Variants in SLC25A25 observed in about 807,000 individuals in gnomAD.
The protein encoded by SLC25A25 is mitochondrial adenyl nucleotide antiporter SLC25A25.
In SLC25A25, 32 loss-of-function variants were observed where a neutral mutation model predicts 57.7. That is an observed-to-expected ratio of 0.55 (90% CI 0.42 to 0.74). The LOEUF (loss-of-function observed/expected upper bound fraction) is 0.74. Ranked by LOEUF, SLC25A25 falls within the 30% of genes least tolerant of loss-of-function variation. The probability of loss-of-function intolerance (pLI) is 0.00; values close to 1 mark genes in which losing one functional copy is unlikely to be tolerated. For synonymous variants in SLC25A25, 306 were observed against 291.2 expected (o/e 1.05, Z -0.52); for missense variants, 556 against 701.3 (o/e 0.79, Z 2.34).
At position 128,108,462 on chromosome 9, in the gene SLC25A25, G is replaced by C. The variant is rs1834140362; in HGVS notation, c.*1018G>C. The C allele has an allele frequency of 2.5e-6, 1 of 393,196 alleles. No homozygotes were observed. The highest frequency in any genetic ancestry group is 1.4e-4 in the South Asian group (1 of 6,966). 24.4% of individuals were successfully genotyped at this position (393,196 alleles called of 1,614,324 possible). A position where few individuals can be genotyped will look rare whatever the true frequency, so the allele number is the denominator to read the frequency against. On this transcript the variant is annotated 3_prime_UTR_variant, in exon 11 of 11. Transcript: ENST00000373069. ...GGGGGTTCCTGTCCAACCCCAGCAGGGGCGCAGCGGGACCAGCCCCACATT... is the reference window on the plus strand; with the variant it reads ...GGGGGTTCCTGTCCAACCCCAGCAGCGGCGCAGCGGGACCAGCCCCACATT...
intron 1 of SLC25A25, among the ~76,000 whole-genome samples, chr9:128,080,481 C>T (rs1480676937): frequency 7.1e-6 from 1 of 141,828 alleles, no homozygotes. Flanking sequence ...CCTTGTTGGG[C>T]TTTTTTTTTT....
chr9:128,087,601 T>A, intron 1 of SLC25A25, among the ~76,000 whole-genome samples: 1 of 152,228 alleles, frequency 6.6e-6, no homozygotes, highest in Non-Finnish European at 1.5e-5. Context: ...GATCTGTAGC[T>A]TTTAATAAAT....
At chr9:128,070,950 CAAAAAA>C (rs531221205) in intron 1 of SLC25A25, among the ~76,000 whole-genome samples, 12 of 57,434 alleles carry the variant, frequency 2.1e-4, no homozygotes, top group South Asian at 8.1e-4. Flanking sequence ...AACTCCATCT[CAAAAAA>C]AAAAAAAAAA....
At chr9:128,105,535 C>G (rs1833988447) in intron 6 of SLC25A25, among the ~76,000 whole-genome samples, 194 bp from the exon 7 acceptor site, 1 of 152,156 alleles carries the variant, frequency 6.6e-6, no homozygotes, top group African/African-American at 2.4e-5. Flanking sequence ...CAGCAGATAC[C>G]CAGTACGATG....
Position 128,099,157 on chromosome 9 carries a change from G to T in SLC25A25, c.262-1939G>T. On this transcript the variant is annotated intron_variant, in intron 1 of 10. Coordinates refer to ENST00000373069, the MANE Select transcript of SLC25A25 (RefSeq NM_001330988.2). The surrounding 1 kb of genome is among the most constrained non-coding windows in gnomAD (Gnocchi z 6.8). Reference sequence around the variant, plus strand: ...GAGCCTCCCGCCTTCTCGACTCTCAGACATCGCTGTGGAACAGGGCCTGTG... The same window carrying T: ...GAGCCTCCCGCCTTCTCGACTCTCATACATCGCTGTGGAACAGGGCCTGTG... 1 of 1,234,330 alleles carries T rather than the reference G, an allele frequency of 8.1e-7. No individual in the cohort carries two copies. The highest frequency in any genetic ancestry group is 1.0e-6 in the Non-Finnish European group (1 of 963,502). The allele number at this position is 1,234,330 out of a possible 1,614,324, so 76.5% of individuals were successfully genotyped here. A position where few individuals can be genotyped will look rare whatever the true frequency, so the allele number is the denominator to read the frequency against.
chr9:128,070,300 G>A (rs1832877129), intron 1 of SLC25A25, among the ~76,000 whole-genome samples: 1 of 151,032 alleles, frequency 6.6e-6, no homozygotes, highest in African/African-American at 2.4e-5. Flanking sequence ...GGGTTTCACC[G>A]TGTTAGCCAG....
chr9:128,083,260 T>C (rs1467714770), intron 1 of SLC25A25, among the ~76,000 whole-genome samples: 1 of 150,444 alleles, frequency 6.6e-6, no homozygotes, highest in Non-Finnish European at 1.5e-5. Context: ...AAAGTGTTTT[T>C]TTTTGTTTGT....
chr9:128,103,836 G>GCACC lies in SLC25A25; in HGVS notation c.782_783insCCCA (p.Gln261HisfsTer52). 1 of 1,591,032 alleles carries GCACC rather than the reference G, an allele frequency of 6.3e-7. No homozygotes were observed. The highest frequency in any genetic ancestry group is 1.1e-5 in the South Asian group (1 of 87,758). The stretch of plus-strand genomic sequence containing the variant: ...CCCTGGACAGGCTCAAGGTGCTCAT[G>GCACC]CAGGTATGTAGGGAAAAGGCCCCAG... On this transcript the variant is annotated frameshift_variant, in exon 6 of 11. Transcript: ENST00000373069. LOFTEE classifies it high-confidence loss of function. This position sits in a 1 kb window ranked among gnomAD's most constrained non-coding sequence, Gnocchi z 6.7.
At chr9:128,104,831 AATTATTATTATT>A (rs57220788) in intron 6 of SLC25A25, among the ~76,000 whole-genome samples, 22,781 of 144,482 alleles carry the variant, frequency 0.16, 1,972 homozygotes, top group South Asian at 0.27. Context: ...GATTTTTAAA[AATTATTATTATT>A]ATTATTATTA....
At chr9:128,091,536 T>G in intron 1 of SLC25A25, 1 of 999,292 alleles carries the variant, frequency 1.0e-6, no homozygotes, top group South Asian at 4.6e-5. Context: ...GGCTGTCGCG[T>G]TTTCCTTTTC....
In SLC25A25 at chr9:128,103,789, G is replaced by A. The variant is rs765220171; in HGVS notation, c.733G>A (p.Val245Ile). ...HLVAGGGAGA[V>I]SRTCTAPLDR... ...GGTGGCAGGAGGTGGGGCAGGGGCC[G>A]TATCCAGAACCTGCACGGCCCCCCT... The change falls in exon 6 of 11, where the codon GTA becomes ATA. Residue 245 changes from valine to isoleucine, a missense_variant. Around this residue, in one of 3 missense-constraint regions of SLC25A25, gnomAD observed 294 missense variants for 389.6 expected, o/e 0.75. Coordinates refer to ENST00000373069, the MANE Select transcript of SLC25A25 (RefSeq NM_001330988.2). This position sits in a 1 kb window ranked among gnomAD's most constrained non-coding sequence, Gnocchi z 6.7. The A allele has an allele frequency of 3.0e-5, 48 of 1,612,910 alleles. No homozygotes were observed. Among genetic ancestry groups the A allele is most frequent in the Admixed American group, 1.0e-4 (6 of 59,944 alleles).
intron 1 of SLC25A25, among the ~76,000 whole-genome samples, chr9:128,085,098 G>A (rs1228124803): frequency 6.6e-6 from 1 of 152,234 alleles, no homozygotes; most frequent in Non-Finnish European, 1.5e-5. Flanking sequence ...GGGAGGCCAA[G>A]GTGGGAGGAT....
chr9:128,079,185 C>T (rs963573070), intron 1 of SLC25A25, among the ~76,000 whole-genome samples: 1 of 152,068 alleles, frequency 6.6e-6, no homozygotes, highest in Admixed American at 6.6e-5. Context: ...AATCATGACT[C>T]ATTTTCTGCA....
At chr9:128,090,485 C>T (rs1452611603) in intron 1 of SLC25A25, among the ~76,000 whole-genome samples, 1 of 152,016 alleles carries the variant, frequency 6.6e-6, no homozygotes, top group Non-Finnish European at 1.5e-5. Context: ...GCATGAGCCA[C>T]CACATCCGGC....
chr9:128,092,326 G>C (rs1833433753), intron 1 of SLC25A25, among the ~76,000 whole-genome samples: 7 of 152,216 alleles, frequency 4.6e-5, no homozygotes, highest in Admixed American at 4.6e-4. Flanking sequence ...AAGGAAGGTT[G>C]CAATAGACTT....
chr9:128,089,578 T>G (rs1833351442), intron 1 of SLC25A25, among the ~76,000 whole-genome samples: 1 of 151,974 alleles, frequency 6.6e-6, no homozygotes, highest in African/African-American at 2.4e-5. Context: ...CTCCTTCAGC[T>G]TTCAGAACAA....
intron 1 of SLC25A25, among the ~76,000 whole-genome samples, chr9:128,079,218 G>A (rs550756677): frequency 5.7e-4 from 87 of 152,122 alleles, no homozygotes; most frequent in South Asian, 1.2e-3. Context: ...AAACTGGAGA[G>A]GTGGCTGTCC....
chr9:128,093,483 C>A (rs1034783647), intron 1 of SLC25A25, among the ~76,000 whole-genome samples: 2 of 152,206 alleles, frequency 1.3e-5, no homozygotes, highest in Non-Finnish European at 2.9e-5. Flanking sequence ...AGCTCTCCCC[C>A]CAGGGACTGC....
intron 7 of SLC25A25, 29 bp downstream of exon 7, chr9:128,105,910 C>T: frequency 6.2e-7 from 1 of 1,606,870 alleles, no homozygotes; most frequent in East Asian, 2.2e-5. Context: ...AGGAGGGTCA[C>T]CGGCCAGTGG....
Sources: gnomAD v4.1 joint callset for allele counts (sites outside exome capture counted in the v4.1 genomes callset) on GRCh38, gnomAD v4.1.1 for gene constraint, gnomAD v4.1.1 regional missense constraint, Gnocchi (gnomAD v3.1) non-coding constraint, MANE v1.5 for transcripts, NCBI Gene and HGNC (gene_info 2026-07-23, HGNC 2026-07-21) for gene names.